Variants in SSB observed in about 807,000 individuals in gnomAD.
SSB encodes the protein lupus La protein.
SSB carries 17 observed loss-of-function variants against 52.9 expected under a neutral mutation model. The observed-to-expected ratio is 0.32, with a 90% CI of 0.22 to 0.48. SSB has a LOEUF of 0.48. SSB is among the 20% of genes least tolerant of loss of function. The probability of loss-of-function intolerance (pLI) is 0.99; values close to 1 mark genes in which losing one functional copy is unlikely to be tolerated. For missense variants in SSB, 314 were observed against 463.6 expected (o/e 0.68, Z 2.96); for synonymous variants, 111 against 152.1 (o/e 0.73, Z 1.99).
At chr2:169,804,581 CT>C (rs1689786773) in intron 2 of SSB, among the ~76,000 whole-genome samples, 1 of 151,554 alleles carries the variant, frequency 6.6e-6, no homozygotes, top group Admixed American at 6.6e-5. Flanking sequence ...GAGTCTCACT[CT>C]TTTGTCAGGC....
At chr2:169,804,750 C>T (rs1468673356) in intron 2 of SSB, among the ~76,000 whole-genome samples, 2 of 152,086 alleles carry the variant, frequency 1.3e-5, no homozygotes, top group South Asian at 2.1e-4. Context: ...TTGACCATGT[C>T]GGCCAGGGTG....
intron 2 of SSB, among the ~76,000 whole-genome samples, chr2:169,802,233 G>A (rs1022380643): frequency 7.9e-5 from 12 of 151,998 alleles, no homozygotes; most frequent in Non-Finnish European, 1.5e-4. Flanking sequence ...TACTCTGGCT[G>A]GGGAGGCTGC....
Position 169,811,701 on chromosome 2 carries a change from A to G in SSB, c.1172A>G (p.Lys391Arg), listed in dbSNP as rs1338105682. 6.2e-7 allele frequency: 1 copy of G among 1,613,006 alleles called. No individual in the cohort carries two copies. The highest frequency in any genetic ancestry group is 1.7e-5 in the Admixed American group (1 of 59,874). Residue 391 changes from lysine (K) to arginine (R), a missense_variant, in exon 12 of 12, where the codon AAA (lysine) becomes AGA (arginine). Coordinates refer to ENST00000260956, the MANE Select transcript of SSB (RefSeq NM_003142.5). ...PVKRAREETD[K>R]EEPASKQQKT... ...AAAAGAGCAAGAGAAGAAACAGACA[A>G]AGAAGAACCTGCATCCAAACAACAG...
At position 169,811,007 on chromosome 2, in the gene SSB, A is replaced by T. The variant is rs1194154895; in HGVS notation, c.960A>T (p.Glu320Asp). Residue 320 changes from glutamate (E) to aspartate (D), a missense_variant, in exon 10 of 12, where the codon GAA becomes GAT. Glu to Asp is a conservative substitution (Grantham distance 45, BLOSUM62 2). Coordinates refer to ENST00000260956, the MANE Select transcript of SSB (RefSeq NM_003142.5). ...VEKEALKKII[E>D]DQQESLNKWK... Reference sequence around the variant, plus strand: ...AAGAAGCACTGAAGAAAATAATAGAAGACCAACAAGAATCCCTAAACAAAT... The same window carrying T: ...AAGAAGCACTGAAGAAAATAATAGATGACCAACAAGAATCCCTAAACAAAT... 5 of 1,611,720 alleles carry T rather than the reference A, an allele frequency of 3.1e-6. No homozygotes were observed. In the African/African-American group the frequency reaches 6.7e-5, roughly 22 times the overall value.
chr2:169,810,656 T>C, intron 9 of SSB: 5 of 663,448 alleles, frequency 7.5e-6, no homozygotes, highest in South Asian at 2.2e-5. Flanking sequence ...TGATAGTTTC[T>C]GAATTATACT....
rs1395251840 is a variant in SSB at position 169,806,874 on chromosome 2, A to T, written c.435A>T (p.Thr145=). 3.7e-6 allele frequency: 6 copies of T among 1,612,978 alleles called. No individual in the cohort carries two copies. The highest frequency in any genetic ancestry group is 1.7e-5 in the Admixed American group (1 of 59,918). The change falls in exon 5 of 12, where the codon ACA becomes ACT. Residue 145 remains threonine (T), a synonymous_variant. Coordinates refer to ENST00000260956, the MANE Select transcript of SSB (RefSeq NM_003142.5). ...TACTAAATATTCAGATGAGAAGAAC[A>T]TTGCATAAAGCATTTAAGGTATGAT... ...GQVLNIQMRR[T]LHKAFKGSIF...
At position 169,811,320 on chromosome 2, in the gene SSB, A is replaced by G. The variant is rs1308557439; in HGVS notation, c.1135A>G (p.Thr379Ala). Residue 379 changes from threonine (T) to alanine (A), a missense_variant, in exon 11 of 12, where the codon ACT (threonine) becomes GCT (alanine). Coordinates refer to ENST00000260956, the MANE Select transcript of SSB (RefSeq NM_003142.5). ...TGATGAACATGATGAAAATGGTGCA[A>G]CTGGTAAGTTTTTTTTAAGTCCTTT... ...EHDEHDENGA[T>A]GPVKRAREET... 1 of 1,573,908 alleles carries G rather than the reference A, an allele frequency of 6.4e-7. No individual in the cohort carries two copies. Among genetic ancestry groups the G allele is most frequent in the African/African-American group, 1.4e-5 (1 of 72,308 alleles).
Position 169,806,328 on chromosome 2 carries a change from GA to G in SSB, c.346-449del, listed in dbSNP as rs1156768419. Among the ~76,000 whole-genome samples, 8 of 151,898 alleles carry G rather than the reference GA, an allele frequency of 5.3e-5. 1 individual carries two copies. Among genetic ancestry groups the G allele is most frequent in the Non-Finnish European group, 8.8e-5 (6 of 67,924 alleles). ...TGTAGAACTGTTGTGAGAATTAAAT[GA>G]AAAAAAATATATATACCATTGGATG... On this transcript the variant is annotated intron_variant, in intron 4 of 11. Coordinates refer to ENST00000260956, the MANE Select transcript of SSB (RefSeq NM_003142.5).
intron 8 of SSB, 83 bp from the exon 9 acceptor site, chr2:169,810,200 G>C (rs1479833631): frequency 5.0e-6 from 5 of 1,002,124 alleles, no homozygotes; most frequent in Non-Finnish European, 6.8e-6. Flanking sequence ...TCTTTTTCTT[G>C]TATAGCTATA....
chr2:169,804,733 A>G (rs1018655984), intron 2 of SSB, among the ~76,000 whole-genome samples: 41 of 152,008 alleles, frequency 2.7e-4, no homozygotes, highest in Non-Finnish European at 5.6e-4. Context: ...TTTAGTAGAG[A>G]CGGGGTTTGA....
Position 169,810,271 on chromosome 2 carries a change from A to G in SSB, c.670-12A>G, listed in dbSNP as rs757127210. 22 of 1,592,596 alleles carry G rather than the reference A, an allele frequency of 1.4e-5. No homozygotes were observed. The South Asian group carries it at 1.4e-4, about 10-fold the overall frequency. On this transcript the variant is annotated splice_polypyrimidine_tract_variant and intron_variant, in intron 8 of 11. Coordinates refer to ENST00000260956, the MANE Select transcript of SSB (RefSeq NM_003142.5). ...TTAAGAAACTTTTTGATCACTTTGTATATTTTTATAGAAATCTCTAGAAGA... is the reference window on the plus strand; with the variant it reads ...TTAAGAAACTTTTTGATCACTTTGTGTATTTTTATAGAAATCTCTAGAAGA...
At chr2:169,810,548 A>G in intron 9 of SSB, 125 bp downstream of exon 9, 2 of 888,138 alleles carry the variant, frequency 2.3e-6, no homozygotes, top group Non-Finnish European at 3.4e-6. Flanking sequence ...ATCATTTGTT[A>G]TTGCCACTAG....
Position 169,808,827 on chromosome 2 carries a change from A to C in SSB, c.627-33A>C, listed in dbSNP as rs141690532. On this transcript the variant is annotated intron_variant, in intron 7 of 11. Coordinates refer to ENST00000260956, the MANE Select transcript of SSB (RefSeq NM_003142.5). ...GACTTAATTTTCTTATATAGTAAAT[A>C]GAAGTATGTTATAATTATATTTTTA... 2.2e-5 allele frequency: 33 copies of C among 1,469,966 alleles called. No homozygotes were observed. The African/African-American group carries it at 4.0e-4, about 18-fold the overall frequency. 91.1% of individuals were successfully genotyped at this position (1,469,966 alleles called of 1,614,324 possible).
At chr2:169,808,363 T>G in intron 6 of SSB, 119 bp from the exon 7 acceptor site, 1 of 683,738 alleles carries the variant, frequency 1.5e-6, no homozygotes, top group East Asian at 2.8e-5. Context: ...AGTTGATGAT[T>G]ATGTTGATAG....
Position 169,811,306 on chromosome 2 carries a change from ATGAAAATGG to A in SSB, c.1124_1132del (p.Glu375_Gly377del). ...AGTGATGATGAACATGATGAACATG[ATGAAAATGG>A]TGCAACTGGTAAGTTTTTTTTAAGT... On this transcript the variant is annotated inframe_deletion, in exon 11 of 12. Transcript: ENST00000260956. 1 of 1,590,330 alleles carries A rather than the reference ATGAAAATGG, an allele frequency of 6.3e-7. No homozygotes were observed. The highest frequency in any genetic ancestry group is 8.5e-7 in the Non-Finnish European group (1 of 1,172,940).
intron 1 of SSB, among the ~76,000 whole-genome samples, chr2:169,799,859 G>A (rs1457993410): frequency 6.6e-6 from 1 of 152,180 alleles, no homozygotes; most frequent in East Asian, 1.9e-4. Flanking sequence ...TCAACTAATG[G>A]CAATATTCTC....
rs1419346880 is a variant in SSB at position 169,803,848 on chromosome 2, T to C, written c.67-1626T>C. On this transcript the variant is annotated intron_variant, in intron 2 of 11. Transcript: ENST00000260956. The stretch of plus-strand genomic sequence containing the variant: ...CCACCTCCCGGGTTCAAGCTAGTCT[T>C]GTGCCTCAGCCATCCGAGTAGTTGG... Among the ~76,000 whole-genome samples, 3 of 151,974 alleles carry C rather than the reference T, an allele frequency of 2.0e-5. No homozygotes were observed. In the East Asian group the frequency reaches 5.8e-4, roughly 29 times the overall value.
At chr2:169,803,832 G>A (rs184471583) in intron 2 of SSB, among the ~76,000 whole-genome samples, 83 of 152,030 alleles carry the variant, frequency 5.5e-4, no homozygotes, top group Admixed American at 9.8e-4. Flanking sequence ...TCCACCTCCC[G>A]GGTTCAAGCT....
At chr2:169,802,801 A>G (rs1689738565) in intron 2 of SSB, among the ~76,000 whole-genome samples, 1 of 152,212 alleles carries the variant, frequency 6.6e-6, no homozygotes, top group African/African-American at 2.4e-5. Context: ...ATCCCCCACC[A>G]GAGTGGTACA....
Sources: allele counts gnomAD v4.1 joint callset (sites outside exome capture counted in the v4.1 genomes callset), GRCh38; gene constraint gnomAD v4.1.1; transcripts MANE v1.5; gene names NCBI Gene and HGNC (gene_info 2026-07-23, HGNC 2026-07-21).